The following DACH1 variants were observed in gnomAD, a reference collection of about 807,000 sequenced individuals.
DACH1 encodes the protein dachshund family transcription factor 1.
A neutral mutation model predicts 54.2 loss-of-function variants in DACH1; 12 were observed. The ratio of observed to expected loss-of-function variants is 0.22; its 90% confidence interval spans 0.14 to 0.36. The LOEUF (loss-of-function observed/expected upper bound fraction) is 0.36, where lower values mean the gene tolerates loss of function less well. Ranked by LOEUF, DACH1 falls within the 10% of genes least tolerant of loss-of-function variation. The pLI is 1.00. For missense variants in DACH1, 805 were observed against 929.8 expected (o/e 0.87, Z 1.75); for synonymous variants, 386 against 366.2 (o/e 1.05, Z -0.62).
At chr13:71,493,642 T>C (rs1179867402) in intron 6 of DACH1, among the ~76,000 whole-genome samples, 1 of 152,178 alleles carries the variant, frequency 6.6e-6, no homozygotes, top group Non-Finnish European at 1.5e-5. Flanking sequence ...GTGGAACAAC[T>C]TCTTTCTATT....
intron 1 of DACH1, among the ~76,000 whole-genome samples, chr13:71,706,237 TA>T (rs1469367143): frequency 2.0e-5 from 3 of 151,580 alleles, no homozygotes; most frequent in African/African-American, 4.8e-5. Context: ...ACAAAAGGGA[TA>T]AAAACATATT....
In DACH1 at chr13:71,572,733, C is replaced by A. The variant is rs1403791320; in HGVS notation, c.1299+107G>T. 3 of 1,214,318 alleles carry A rather than the reference C, an allele frequency of 2.5e-6. No homozygotes were observed. In the East Asian group the frequency reaches 7.6e-5, roughly 31 times the overall value. The allele number at this position is 1,214,318 out of a possible 1,614,324, so 75.2% of individuals were successfully genotyped here. On this transcript the variant is annotated intron_variant, in intron 4 of 10. Transcript: ENST00000613252. ...TTTTTTTTAATAGTCTATTTACTAT[C>A]ACTTAGCTTTTTAGAGTTCAGATGT...
rs10559539 is a variant in DACH1 at position 71,691,382 on chromosome 13, CTT to C, written c.849-9474_849-9473del. Among the ~76,000 whole-genome samples the C allele has an allele frequency of 5.0e-3, 757 of 152,324 alleles. 6 individuals carry two copies. The highest frequency in any genetic ancestry group is 0.017 in the African/African-American group (719 of 41,570). Reference sequence around the variant, plus strand: ...GCTAAATTCACTATGTGATCTAACTCTTTTAATACTTTGACAAACTTTTGAGA... The same window carrying C: ...GCTAAATTCACTATGTGATCTAACTCTTAATACTTTGACAAACTTTTGAGA... On this transcript the variant is annotated intron_variant, in intron 1 of 10. Coordinates refer to ENST00000613252, the MANE Select transcript of DACH1 (RefSeq NM_080759.6).
intron 3 of DACH1, among the ~76,000 whole-genome samples, chr13:71,620,442 C>T (rs1200460164): frequency 6.6e-6 from 1 of 151,378 alleles, no homozygotes; most frequent in Non-Finnish European, 1.5e-5. Context: ...CTTTTTTTTC[C>T]CCTCAGCTCT....
At chr13:71,573,829 C>T (rs902388481) in intron 3 of DACH1, among the ~76,000 whole-genome samples, 6 of 151,976 alleles carry the variant, frequency 3.9e-5, no homozygotes, top group Non-Finnish European at 7.4e-5. Flanking sequence ...TAATACTGTT[C>T]GGCTATCCAG....
At chr13:71,617,330 T>A (rs1432845824) in intron 3 of DACH1, among the ~76,000 whole-genome samples, 2 of 152,202 alleles carry the variant, frequency 1.3e-5, no homozygotes, top group Admixed American at 6.5e-5. Flanking sequence ...TTTTTATTAA[T>A]TGTTTTTGTC....
chr13:71,821,044 G>A (rs1272018118), intron 1 of DACH1, among the ~76,000 whole-genome samples: 2 of 152,194 alleles, frequency 1.3e-5, no homozygotes, highest in Admixed American at 6.5e-5. Context: ...GCATGAGAAA[G>A]CCAGGACTAA....
chr13:71,715,466 A>G (rs1882924246), intron 1 of DACH1, among the ~76,000 whole-genome samples: 1 of 152,094 alleles, frequency 6.6e-6, no homozygotes, highest in African/African-American at 2.4e-5. Context: ...TTCAGGGTAC[A>G]TTCTTCCAAC....
At chr13:71,617,042 C>T (rs934028649) in intron 3 of DACH1, among the ~76,000 whole-genome samples, 7 of 151,966 alleles carry the variant, frequency 4.6e-5, no homozygotes, top group Non-Finnish European at 8.8e-5. Flanking sequence ...CCATCACGCC[C>T]GGCTTTATTA....
chr13:71,606,819 T>C (rs962922398), intron 3 of DACH1, among the ~76,000 whole-genome samples: 1 of 152,094 alleles, frequency 6.6e-6, no homozygotes, highest in Non-Finnish European at 1.5e-5. Flanking sequence ...AATTATTCTC[T>C]AGTGAAAGGT....
At chr13:71,443,095 A>AT (rs894217229) in intron 10 of DACH1, among the ~76,000 whole-genome samples, 2 of 148,678 alleles carry the variant, frequency 1.3e-5, no homozygotes, top group Non-Finnish European at 3.0e-5. Context: ...ATTATATGTA[A>AT]TTACATATAT....
intron 10 of DACH1, among the ~76,000 whole-genome samples, chr13:71,446,092 G>A (rs534538224): frequency 6.6e-6 from 1 of 152,170 alleles, no homozygotes; most frequent in African/African-American, 2.4e-5. Context: ...AATCCCTGGA[G>A]TGCGTCCATA....
At chr13:71,670,484 G>T (rs1162891580) in intron 2 of DACH1, among the ~76,000 whole-genome samples, 1 of 151,902 alleles carries the variant, frequency 6.6e-6, no homozygotes, top group African/African-American at 2.4e-5. Context: ...AACTTATTTT[G>T]TCCACAAGTC....
chr13:71,525,531 C>T (rs1881897150), intron 6 of DACH1, among the ~76,000 whole-genome samples: 1 of 152,014 alleles, frequency 6.6e-6, no homozygotes, highest in Non-Finnish European at 1.5e-5. Context: ...TATGTGTATG[C>T]CTATTTTTTC....
intron 1 of DACH1, among the ~76,000 whole-genome samples, chr13:71,831,439 C>T (rs1233655916): frequency 6.6e-6 from 1 of 151,828 alleles, no homozygotes; most frequent in African/African-American, 2.4e-5. Flanking sequence ...GTTTTGATCT[C>T]ATACACATTT....
At chr13:71,780,329 GATCA>G (rs1210567224) in intron 1 of DACH1, among the ~76,000 whole-genome samples, 1 of 151,982 alleles carries the variant, frequency 6.6e-6, no homozygotes, top group Non-Finnish European at 1.5e-5. Context: ...ATTTTTATGT[GATCA>G]ATCAAATAAT....
intron 1 of DACH1, among the ~76,000 whole-genome samples, chr13:71,741,323 CT>C (rs2137948056): frequency 1.3e-5 from 2 of 152,252 alleles, no homozygotes; most frequent in South Asian, 4.1e-4. Context: ...AAGGAAATGC[CT>C]TATCAGATAC....
intron 6 of DACH1, among the ~76,000 whole-genome samples, chr13:71,528,425 C>CTTTTTTTT (rs71198120): frequency 3.6e-5 from 4 of 111,122 alleles, no homozygotes; most frequent in Non-Finnish European, 5.2e-5. Flanking sequence ...AACAGATTTT[C>CTTTTTTTT]TTTTTTTTTT....
chr13:71,866,295 T>G lies in DACH1; in HGVS notation c.475A>C (p.Ser159Arg). Residue 159 changes from serine (S) to arginine (R), a missense_variant, in exon 1 of 11, where the codon AGT becomes CGT. Ser to Arg is a moderately radical substitution (Grantham distance 110). Transcript: ENST00000613252. ...SSSSSSSSSS[S>R]SSSSCGPLPG... The stretch of plus-strand genomic sequence containing the variant: ...AGGGGGCCGCAGCTGCTGCTGCTAC[T>G]GCTGCTGCTGCTACTACTGCTGCTG... 6.4e-7 allele frequency: 1 copy of G among 1,554,546 alleles called. No homozygotes were observed. The highest frequency in any genetic ancestry group is 8.7e-7 in the Non-Finnish European group (1 of 1,148,254).
Sources: gnomAD v4.1 joint callset for allele counts (sites outside exome capture counted in the v4.1 genomes callset) on GRCh38, gnomAD v4.1.1 for gene constraint, MANE v1.5 for transcripts, NCBI Gene and HGNC (gene_info 2026-07-23, HGNC 2026-07-21) for gene names.